Variants in LHFPL2 observed in about 807,000 individuals in gnomAD.
LHFPL2 encodes the protein LHFPL tetraspan subfamily member 2.
In LHFPL2, 7 loss-of-function variants were observed where a neutral mutation model predicts 17.5. That is an observed-to-expected ratio of 0.40 (90% CI 0.23 to 0.75). LHFPL2 has a LOEUF of 0.75. Ranked by LOEUF, LHFPL2 falls within the 30% of genes least tolerant of loss-of-function variation. LHFPL2 has a pLI of 0.37. For synonymous variants in LHFPL2, 134 were observed against 116.2 expected (o/e 1.15, Z -0.99); for missense variants, 241 against 294.8 (o/e 0.82, Z 1.34).
chr5:78,498,891 C>T (rs138566339), intron 4 of LHFPL2, among the ~76,000 whole-genome samples: 144 of 152,328 alleles, frequency 9.5e-4, no homozygotes, highest in African/African-American at 3.3e-3. Flanking sequence ...CATTATAAAA[C>T]AGCACTGGTT....
chr5:78,505,290 A>T (rs1032625492), intron 4 of LHFPL2, among the ~76,000 whole-genome samples: 6 of 152,198 alleles, frequency 3.9e-5, no homozygotes, highest in African/African-American at 1.4e-4. Flanking sequence ...GAGGGATGCA[A>T]ACTGATGTGT....
intron 3 of LHFPL2, among the ~76,000 whole-genome samples, chr5:78,523,365 G>A (rs1755517279): frequency 1.3e-5 from 2 of 152,144 alleles, no homozygotes; most frequent in African/African-American, 2.4e-5. Flanking sequence ...CTTTAAATAT[G>A]TTAGGCACTC....
At chr5:78,496,870 A>G (rs758444421) in intron 4 of LHFPL2, among the ~76,000 whole-genome samples, 16 of 151,798 alleles carry the variant, frequency 1.1e-4, no homozygotes, top group Non-Finnish European at 1.9e-4. Flanking sequence ...CCCAGGGCTC[A>G]CTCCTTGGTC....
At chr5:78,511,982 C>G (rs1755143335) in intron 3 of LHFPL2, among the ~76,000 whole-genome samples, 1 of 152,154 alleles carries the variant, frequency 6.6e-6, no homozygotes, top group Admixed American at 6.5e-5. Flanking sequence ...CTTCTCAGAG[C>G]TCCCTCGTCT....
intron 2 of LHFPL2, among the ~76,000 whole-genome samples, chr5:78,600,519 A>C (rs1743975189): frequency 6.6e-6 from 1 of 152,160 alleles, no homozygotes; most frequent in Non-Finnish European, 1.5e-5. Context: ...ACCTGAGGTC[A>C]GGAGTTCAAG....
chr5:78,611,811 T>A (rs995939380), intron 2 of LHFPL2, among the ~76,000 whole-genome samples: 10 of 152,050 alleles, frequency 6.6e-5, no homozygotes, highest in African/African-American at 2.4e-4. Context: ...GAGCACAAAC[T>A]TTTTTTACAG....
At chr5:78,597,029 G>C (rs1020440236) in intron 2 of LHFPL2, among the ~76,000 whole-genome samples, 1 of 152,172 alleles carries the variant, frequency 6.6e-6, no homozygotes, top group Non-Finnish European at 1.5e-5. Flanking sequence ...AATTTTGTAA[G>C]CAAAGCAAAT....
At position 78,584,991 on chromosome 5, in the gene LHFPL2, CTG is replaced by C. The variant is rs1304844030; in HGVS notation, c.-244-20122_-244-20121del. 9.5e-3 allele frequency among the ~76,000 whole-genome samples: 911 copies of C among 95,856 alleles called. 218 individuals are homozygous for C. Among genetic ancestry groups the C allele is most frequent in the African/African-American group, 0.036 (870 of 23,936 alleles). 62.9% of individuals were successfully genotyped at this position (95,856 alleles called of 152,430 possible). A position where few individuals can be genotyped will look rare whatever the true frequency, so the allele number is the denominator to read the frequency against. ...GTGCGGGATATAATCTCCTGGTGCG[CTG>C]TGTTTTTTTTTTTTTTTTTTTTTTT... On this transcript the variant is annotated intron_variant, in intron 2 of 4. Coordinates refer to ENST00000380345, the MANE Select transcript of LHFPL2 (RefSeq NM_005779.3).
chr5:78,564,082 CA>C (rs1756798984), intron 3 of LHFPL2, among the ~76,000 whole-genome samples: 1 of 152,124 alleles, frequency 6.6e-6, no homozygotes. Flanking sequence ...CAGTCAGTCC[CA>C]AATCCATACC....
chr5:78,523,129 TG>T (rs1755509444), intron 3 of LHFPL2, among the ~76,000 whole-genome samples: 2 of 152,058 alleles, frequency 1.3e-5, no homozygotes, highest in East Asian at 1.9e-4. Context: ...TGTGTGTGTG[TG>T]TGTGTGTATT....
intron 2 of LHFPL2, among the ~76,000 whole-genome samples, chr5:78,587,626 C>T (rs1743464955): frequency 6.6e-6 from 1 of 152,214 alleles, no homozygotes; most frequent in Non-Finnish European, 1.5e-5. Flanking sequence ...TTTGCAAAGG[C>T]CATAATCACA....
intron 3 of LHFPL2, among the ~76,000 whole-genome samples, chr5:78,541,407 C>T (rs1431116829): frequency 3.3e-5 from 5 of 152,184 alleles, no homozygotes; most frequent in South Asian, 4.1e-4. Context: ...ACCCAAAGCG[C>T]AGCCCTGGGA....
chr5:78,598,990 A>G (rs1321277637), intron 2 of LHFPL2, among the ~76,000 whole-genome samples: 1 of 152,196 alleles, frequency 6.6e-6, no homozygotes, highest in Admixed American at 6.5e-5. Flanking sequence ...CGGTAATTTC[A>G]GTAACAGCCT....
At position 78,549,015 on chromosome 5, in the gene LHFPL2, G is replaced by C. The variant is rs1458534625; in HGVS notation, c.-186+15798C>G. ...TAACAAAGTGCCTTAACATTTCATA[G>C]CTTAAAATACCTGATTATTTCTCAC... On this transcript the variant is annotated intron_variant, in intron 3 of 4. Coordinates refer to ENST00000380345, the MANE Select transcript of LHFPL2 (RefSeq NM_005779.3). The C allele has an allele frequency of 2.6e-5, 4 of 152,160 alleles. No individual in the cohort carries two copies. The East Asian group carries it at 7.7e-4, about 29-fold the overall frequency. The allele number at this position is 152,160 out of a possible 1,614,324, so 9.4% of individuals were successfully genotyped here.
At chr5:78,624,931 TA>T (rs1331297916) in intron 2 of LHFPL2, 1 of 152,274 alleles carries the variant, frequency 6.6e-6, no homozygotes, top group African/African-American at 2.4e-5. Flanking sequence ...GCCTCCCAAG[TA>T]GCTGGGATTA....
chr5:78,501,300 C>T (rs888021457), intron 4 of LHFPL2, among the ~76,000 whole-genome samples: 2 of 152,166 alleles, frequency 1.3e-5, no homozygotes, highest in Non-Finnish European at 2.9e-5. Context: ...GAAGTGAATA[C>T]ATCGGCTTGA....
At chr5:78,544,073 C>G (rs1210969171) in intron 3 of LHFPL2, among the ~76,000 whole-genome samples, 1 of 152,194 alleles carries the variant, frequency 6.6e-6, no homozygotes, top group Non-Finnish European at 1.5e-5. Flanking sequence ...AATCACTGAC[C>G]ACCCACCAGT....
At chr5:78,614,574 G>T (rs1185134694) in intron 2 of LHFPL2, among the ~76,000 whole-genome samples, 2 of 152,032 alleles carry the variant, frequency 1.3e-5, no homozygotes, top group African/African-American at 4.8e-5. Flanking sequence ...CCATTTTATT[G>T]TTAAGTCTTT....
At chr5:78,600,174 G>T (rs537275043) in intron 2 of LHFPL2, among the ~76,000 whole-genome samples, 4 of 151,780 alleles carry the variant, frequency 2.6e-5, no homozygotes, top group African/African-American at 7.3e-5. Context: ...TCAGGATGAG[G>T]TTCTTCAAGA....
Sources: gnomAD v4.1 joint callset for allele counts (sites outside exome capture counted in the v4.1 genomes callset) on GRCh38, gnomAD v4.1.1 for gene constraint, MANE v1.5 for transcripts, NCBI Gene and HGNC (gene_info 2026-07-23, HGNC 2026-07-21) for gene names.